The following SUGCT variants were observed in gnomAD, a reference collection of about 807,000 sequenced individuals.
SUGCT encodes the protein succinyl-CoA:glutarate-CoA transferase.
SUGCT carries 41 observed loss-of-function variants against 55.0 expected under a neutral mutation model. The observed-to-expected ratio is 0.74, with a 90% CI of 0.58 to 0.97. The LOEUF (loss-of-function observed/expected upper bound fraction) is 0.97, where lower values mean the gene tolerates loss of function less well. SUGCT is among the 50% of genes least tolerant of loss of function. SUGCT has a pLI of 0.00. For synonymous variants in SUGCT, 187 were observed against 200.4 expected, an observed-to-expected ratio of 0.93 and a Z score of 0.56; for missense variants, 568 against 547.8, an observed-to-expected ratio of 1.04 and a Z score of -0.37.
the SUGCT span, among the ~76,000 whole-genome samples, chr7:40,978,651 T>G: frequency 6.6e-6 from 1 of 152,254 alleles, no homozygotes; most frequent in Admixed American, 6.5e-5. Flanking sequence ...GGGGCAATTG[T>G]GGCGAGACCA....
intron 12 of SUGCT, among the ~76,000 whole-genome samples, chr7:40,640,591 G>A (rs1374030915): frequency 6.6e-6 from 1 of 152,164 alleles, no homozygotes; most frequent in Non-Finnish European, 1.5e-5. Context: ...AGCTAGTAAC[G>A]ATGTTTCCTG....
chr7:40,693,265 G>A (rs1784776073), intron 12 of SUGCT, among the ~76,000 whole-genome samples: 1 of 152,180 alleles, frequency 6.6e-6, no homozygotes, highest in African/African-American at 2.4e-5. Context: ...ACTTGGACAA[G>A]TTAATTGACC....
intron 9 of SUGCT, among the ~76,000 whole-genome samples, chr7:40,410,881 A>G (rs1786636465): frequency 6.6e-6 from 1 of 152,164 alleles, no homozygotes; most frequent in Non-Finnish European, 1.5e-5. Flanking sequence ...TTTAAGGACT[A>G]TGTCTTTATC....
chr7:40,262,676 C>A (rs934572599), intron 7 of SUGCT, among the ~76,000 whole-genome samples: 12 of 151,800 alleles, frequency 7.9e-5, no homozygotes, highest in African/African-American at 2.9e-4. Context: ...AAAAAAAGAA[C>A]AAGCCATACC....
At chr7:40,422,543 A>G (rs1434651416) in intron 9 of SUGCT, among the ~76,000 whole-genome samples, 1 of 152,086 alleles carries the variant, frequency 6.6e-6, no homozygotes, top group Non-Finnish European at 1.5e-5. Context: ...CTTAGAATGC[A>G]TTCTTTTCTC....
chr7:40,905,100 T>A, the SUGCT span, among the ~76,000 whole-genome samples: 33 of 152,328 alleles, frequency 2.2e-4, no homozygotes, highest in Middle Eastern at 3.4e-3. Context: ...GCATTTTCTG[T>A]GATGGAATCA....
chr7:40,190,914 C>T (rs574364356), intron 5 of SUGCT, among the ~76,000 whole-genome samples: 4 of 152,148 alleles, frequency 2.6e-5, no homozygotes, highest in South Asian at 2.1e-4. Context: ...TTTCCATCCA[C>T]GTTTGGTTGA....
intron 13 of SUGCT, among the ~76,000 whole-genome samples, chr7:40,843,626 C>T (rs955124740): frequency 6.6e-6 from 1 of 152,024 alleles, no homozygotes; most frequent in Non-Finnish European, 1.5e-5. Flanking sequence ...AGAAGAATGG[C>T]TGGAGCAAAG....
chr7:40,703,474 A>G (rs1180506979), intron 12 of SUGCT, among the ~76,000 whole-genome samples: 3 of 152,096 alleles, frequency 2.0e-5, no homozygotes, highest in African/African-American at 7.2e-5. Context: ...CTATATATAC[A>G]TACTCAAACT....
intron 12 of SUGCT, among the ~76,000 whole-genome samples, chr7:40,598,690 T>C (rs923263979): frequency 6.6e-6 from 1 of 152,168 alleles, no homozygotes; most frequent in African/African-American, 2.4e-5. Flanking sequence ...GCATGGGATG[T>C]GAGCCATAAC....
At chr7:40,857,613 G>T (rs995657335) in intron 13 of SUGCT, among the ~76,000 whole-genome samples, 1 of 151,972 alleles carries the variant, frequency 6.6e-6, no homozygotes, top group Non-Finnish European at 1.5e-5. Context: ...CTTTAGTTTG[G>T]CTGGACCTGA....
chr7:40,672,994 C>T (rs935936151), intron 12 of SUGCT, among the ~76,000 whole-genome samples: 1 of 152,148 alleles, frequency 6.6e-6, no homozygotes, highest in African/African-American at 2.4e-5. Flanking sequence ...ACCTTGGCAA[C>T]CTGCAATATG....
At chr7:40,592,259 A>G (rs1797766602) in intron 12 of SUGCT, among the ~76,000 whole-genome samples, 2 of 152,200 alleles carry the variant, frequency 1.3e-5, no homozygotes, top group Admixed American at 6.5e-5. Context: ...CTGAGGTCCC[A>G]TAGGATAGGG....
intron 8 of SUGCT, among the ~76,000 whole-genome samples, chr7:40,307,451 G>C (rs1279176158): frequency 6.6e-6 from 1 of 152,142 alleles, no homozygotes; most frequent in African/African-American, 2.4e-5. Context: ...TCTGTATCTA[G>C]TGTAGAATGC....
intron 9 of SUGCT, among the ~76,000 whole-genome samples, chr7:40,403,036 T>C (rs535173926): frequency 7.2e-5 from 11 of 152,362 alleles, no homozygotes; most frequent in African/African-American, 2.6e-4. Context: ...CTGGTCTCAA[T>C]ATCTGTGTTA....
intron 7 of SUGCT, among the ~76,000 whole-genome samples, chr7:40,242,294 C>T (rs543004636): frequency 6.6e-6 from 1 of 152,158 alleles, no homozygotes; most frequent in South Asian, 2.1e-4. Context: ...CTGCCTTAGC[C>T]TCCCCAGTAG....
chr7:40,488,649 G>A (rs1370242886), intron 11 of SUGCT, among the ~76,000 whole-genome samples: 2 of 152,040 alleles, frequency 1.3e-5, no homozygotes, highest in African/African-American at 4.8e-5. Flanking sequence ...AGCATTTCTG[G>A]TAAGGCAGGA....
rs1250692302 is a variant in SUGCT, at chr7:40,439,099, T to C, written c.817-10188T>C. On this transcript the variant is annotated intron_variant, in intron 9 of 13. Transcript: ENST00000335693. ...ATATATATATATATATATATATATA[T>C]ATATATATATATGGATAGAGAGAGA... is the stretch of plus-strand genomic sequence containing the variant. Among the ~76,000 whole-genome samples, 11 of 127,184 alleles carry C rather than the reference T, an allele frequency of 8.6e-5. 1 individual carries two copies. The highest frequency in any genetic ancestry group is 1.6e-4 in the Non-Finnish European group (10 of 61,794). 83.4% of individuals were successfully genotyped at this position (127,184 alleles called of 152,430 possible).
chr7:40,495,475 A>C (rs1325280286), intron 11 of SUGCT, among the ~76,000 whole-genome samples: 1 of 152,168 alleles, frequency 6.6e-6, no homozygotes, highest in African/African-American at 2.4e-5. Flanking sequence ...TTTAATAATC[A>C]ATAATTCTGA....
Sources: allele counts gnomAD v4.1 joint callset (sites outside exome capture counted in the v4.1 genomes callset), GRCh38; gene constraint gnomAD v4.1.1; transcripts MANE v1.5; gene names NCBI Gene and HGNC (gene_info 2026-07-23, HGNC 2026-07-21).